The following PTPRO variants were observed in gnomAD, a reference collection of about 807,000 sequenced individuals.
PTPRO encodes the protein protein tyrosine phosphatase receptor type O.
In PTPRO, 62 loss-of-function variants were observed where a neutral mutation model predicts 145.2. The observed-to-expected ratio is 0.43, with a 90% CI of 0.35 to 0.53. PTPRO has a LOEUF of 0.53. Among genes scored for constraint, PTPRO ranks in the 20% least tolerant of loss-of-function variants. PTPRO has a pLI of 0.01. For synonymous variants in PTPRO, 565 were observed against 514.7 expected, an observed-to-expected ratio of 1.10 and a Z score of -1.32; for missense variants, 1,345 against 1,482.7, an observed-to-expected ratio of 0.91 and a Z score of 1.53.
chr12:15,429,469 G>C (rs748196576), intron 1 of PTPRO, among the ~76,000 whole-genome samples: 3 of 152,134 alleles, frequency 2.0e-5, no homozygotes, highest in Non-Finnish European at 4.4e-5. Context: ...GGATGAATGG[G>C]AATATGCAAA....
intron 1 of PTPRO, among the ~76,000 whole-genome samples, chr12:15,342,725 C>G (rs570076823): frequency 6.6e-6 from 1 of 152,328 alleles, no homozygotes; most frequent in South Asian, 2.1e-4. Context: ...GGTGCTACCA[C>G]TGCCAATCCC....
chr12:15,581,772 T>G lies in PTPRO; in HGVS notation c.3226T>G (p.Trp1076Gly). Residue 1076 changes from tryptophan to glycine, a missense_variant, in exon 23 of 27, where the codon TGG becomes GGG. By Grantham distance (184) the Trp-to-Gly change is radical. Transcript: ENST00000281171. ...EMISEEEQDD[W>G]ACRHFRINYA... ...GATTTCAGAGGAAGAGCAGGACGACTGGGCCTGTAGACACTTCCGGATCAA... is the reference window on the plus strand; with the variant it reads ...GATTTCAGAGGAAGAGCAGGACGACGGGGCCTGTAGACACTTCCGGATCAA... The G allele has an allele frequency of 6.2e-7, 1 of 1,613,974 alleles. No homozygotes were observed. The highest frequency in any genetic ancestry group is 8.5e-7 in the Non-Finnish European group (1 of 1,179,922).
intron 1 of PTPRO, among the ~76,000 whole-genome samples, chr12:15,362,782 C>T (rs11056452): frequency 0.23 from 35,623 of 151,770 alleles, 4,369 homozygotes; most frequent in Non-Finnish European, 0.27. Flanking sequence ...TAAAATAAAA[C>T]GATATTATAG....
intron 20 of PTPRO, 108 bp downstream of exon 20, chr12:15,579,051 G>A: frequency 1.1e-6 from 1 of 924,212 alleles, no homozygotes; most frequent in Non-Finnish European, 1.7e-6. Flanking sequence ...TTGTGGTCCG[G>A]ATCTCAAGGC....
At chr12:15,571,954 A>T (rs187240260) in intron 19 of PTPRO, among the ~76,000 whole-genome samples, 1 of 152,338 alleles carries the variant, frequency 6.6e-6, no homozygotes, top group Admixed American at 6.5e-5. Context: ...CTAAATGTTC[A>T]ATTTATAATA....
chr12:15,373,102 G>A (rs1232360553), intron 1 of PTPRO, among the ~76,000 whole-genome samples: 3 of 152,178 alleles, frequency 2.0e-5, no homozygotes, highest in Admixed American at 6.5e-5. Flanking sequence ...AATTAAAGTA[G>A]AAGTAATTAC....
chr12:15,471,926 C>T (rs1056401264), intron 1 of PTPRO, among the ~76,000 whole-genome samples: 1 of 152,108 alleles, frequency 6.6e-6, no homozygotes, highest in Non-Finnish European at 1.5e-5. Context: ...CTCTGATTTT[C>T]CTGAAGAAAC....
At position 15,483,998 on chromosome 12, in the gene PTPRO, G is replaced by A. The variant is rs1029132706; in HGVS notation, c.100G>A (p.Val34Ile). The stretch of plus-strand genomic sequence containing the variant: ...GAATGCTACAGCTTTCCATGTAACT[G>A]TCCAAGATGATAATAACATCGTTGT... ...FKNATAFHVT[V>I]QDDNNIVVSL... The change falls in exon 2 of 27, where the codon GTC (valine) becomes ATC (isoleucine). Residue 34 changes from valine (V) to isoleucine (I), a missense_variant. Physicochemically the swap from Val to Ile is conservative, Grantham distance 29. Coordinates refer to ENST00000281171, the MANE Select transcript of PTPRO (RefSeq NM_030667.3). The A allele has an allele frequency of 1.2e-6, 2 of 1,613,496 alleles. No homozygotes were observed. Among genetic ancestry groups the A allele is most frequent in the African/African-American group, 1.3e-5 (1 of 74,992 alleles).
intron 1 of PTPRO, chr12:15,439,899 T>C: frequency 1.5e-6 from 1 of 658,776 alleles, no homozygotes; most frequent in Non-Finnish European, 2.8e-6. Context: ...AAGTTCAAGG[T>C]GTTTGTTGCC....
At chr12:15,576,472 T>C (rs897147033) in intron 19 of PTPRO, among the ~76,000 whole-genome samples, 1 of 152,212 alleles carries the variant, frequency 6.6e-6, no homozygotes, top group Non-Finnish European at 1.5e-5. Context: ...AGCTTCCACA[T>C]GTGCTCAAAC....
intron 12 of PTPRO, among the ~76,000 whole-genome samples, chr12:15,536,163 T>A (rs1943061630): frequency 4.6e-5 from 7 of 152,284 alleles, no homozygotes; most frequent in African/African-American, 1.4e-4. Context: ...GACAAAAATG[T>A]CAACCCTCAT....
intron 12 of PTPRO, among the ~76,000 whole-genome samples, chr12:15,539,131 T>C (rs887149706): frequency 1.3e-5 from 2 of 151,484 alleles, no homozygotes. Flanking sequence ...ATATTTGTTT[T>C]GAAACTAAGT....
At chr12:15,511,939 A>G (rs1942450014) in intron 7 of PTPRO, among the ~76,000 whole-genome samples, 1 of 152,184 alleles carries the variant, frequency 6.6e-6, no homozygotes, top group Non-Finnish European at 1.5e-5. Flanking sequence ...AATATTATCA[A>G]AAGAAAGGAA....
intron 1 of PTPRO, among the ~76,000 whole-genome samples, chr12:15,423,339 A>G (rs1339807055): frequency 6.6e-6 from 1 of 152,198 alleles, no homozygotes; most frequent in Non-Finnish European, 1.5e-5. Flanking sequence ...TTATCTTTTA[A>G]ATGTATGTTT....
intron 2 of PTPRO, among the ~76,000 whole-genome samples, chr12:15,493,610 T>G (rs940966299): frequency 9.9e-5 from 15 of 152,156 alleles, no homozygotes; most frequent in African/African-American, 3.6e-4. Context: ...TTCACACACC[T>G]CAGAGTGGCA....
intron 12 of PTPRO, among the ~76,000 whole-genome samples, chr12:15,533,237 T>C (rs528977580): frequency 2.0e-5 from 3 of 152,318 alleles, no homozygotes; most frequent in Admixed American, 1.3e-4. Context: ...AGTTGAGTTT[T>C]CATGGAAATT....
chr12:15,536,934 T>G (rs1943077652), intron 12 of PTPRO, among the ~76,000 whole-genome samples: 1 of 152,124 alleles, frequency 6.6e-6, no homozygotes, highest in Admixed American at 6.5e-5. Context: ...ACAGAGGCGA[T>G]GAAAAGTGGT....
intron 1 of PTPRO, among the ~76,000 whole-genome samples, chr12:15,424,386 C>T (rs1473383522): frequency 2.0e-5 from 3 of 151,886 alleles, no homozygotes; most frequent in Non-Finnish European, 4.4e-5. Context: ...CTATTAACTA[C>T]CATGGAATCA....
At chr12:15,424,601 G>A (rs906555733) in intron 1 of PTPRO, among the ~76,000 whole-genome samples, 4 of 152,030 alleles carry the variant, frequency 2.6e-5, no homozygotes, top group Non-Finnish European at 4.4e-5. Context: ...GAGTTCCACA[G>A]CTGATGTATA....
Sources: gnomAD v4.1 joint callset for allele counts (sites outside exome capture counted in the v4.1 genomes callset) on GRCh38, gnomAD v4.1.1 for gene constraint, MANE v1.5 for transcripts, NCBI Gene and HGNC (gene_info 2026-07-23, HGNC 2026-07-21) for gene names.